ZEB1: variants seen among roughly 807,000 people sequenced by gnomAD.
ZEB1 encodes the protein zinc finger E-box-binding homeobox 1.
Under a neutral mutation model 84.9 loss-of-function variants are expected in ZEB1, and 21 were observed. The ratio of observed to expected loss-of-function variants is 0.25; its 90% CI spans 0.18 to 0.36. The LOEUF is 0.36. ZEB1 is among the 10% of genes least tolerant of loss of function. The pLI, the probability that ZEB1 is intolerant of heterozygous loss-of-function variation, is 1.00. For missense variants in ZEB1, 1,104 were observed against 1,330.2 expected (o/e 0.83, Z 2.65); for synonymous variants, 420 against 471.1 (o/e 0.89, Z 1.41).
At chr10:31,449,068 C>T (rs1301605583) in intron 1 of ZEB1, among the ~76,000 whole-genome samples, 2 of 152,260 alleles carry the variant, frequency 1.3e-5, no homozygotes, top group Non-Finnish European at 2.9e-5. Context: ...CAGCGAGACT[C>T]CGTGGGCGTA....
intron 2 of ZEB1, among the ~76,000 whole-genome samples, chr10:31,483,922 T>C (rs563029395): frequency 1.3e-3 from 193 of 152,160 alleles, no homozygotes; most frequent in African/African-American, 4.5e-3. Flanking sequence ...TGTAAGTTCA[T>C]GGGGAAGATT....
At chr10:31,424,325 A>G (rs2056648166) in intron 1 of ZEB1, among the ~76,000 whole-genome samples, 1 of 151,998 alleles carries the variant, frequency 6.6e-6, no homozygotes, top group Admixed American at 6.6e-5. Flanking sequence ...ATATTTTACT[A>G]TATCATGAAT....
intron 1 of ZEB1, among the ~76,000 whole-genome samples, chr10:31,455,632 A>T (rs564890658): frequency 6.6e-6 from 1 of 152,350 alleles, no homozygotes; most frequent in South Asian, 2.1e-4. Flanking sequence ...GAAGACATTT[A>T]TGCAGCCAGC....
chr10:31,332,561 T>C (rs918953614), intron 1 of ZEB1, among the ~76,000 whole-genome samples: 2 of 152,228 alleles, frequency 1.3e-5, no homozygotes. Flanking sequence ...AGATATTTAA[T>C]AAATAAAATA....
intron 2 of ZEB1, among the ~76,000 whole-genome samples, chr10:31,476,104 A>T (rs1443676553): frequency 3.3e-5 from 5 of 152,096 alleles, no homozygotes; most frequent in African/African-American, 9.7e-5. Flanking sequence ...GAAGAGAAAT[A>T]ACAAAGAGCA....
intron 1 of ZEB1, among the ~76,000 whole-genome samples, chr10:31,325,892 A>G (rs1196451480): frequency 6.6e-6 from 1 of 150,662 alleles, no homozygotes; most frequent in Non-Finnish European, 1.5e-5. Flanking sequence ...GGCCTAAAAT[A>G]TATTCTGATT....
chr10:31,437,959 G>C (rs161270), intron 1 of ZEB1, among the ~76,000 whole-genome samples: 11,870 of 152,192 alleles, frequency 0.078, 657 homozygotes, highest in African/African-American at 0.16. Flanking sequence ...TCTGGGATTA[G>C]TAAATGTCAA....
chr10:31,477,340 A>G (rs967212760), intron 2 of ZEB1, among the ~76,000 whole-genome samples: 4 of 151,872 alleles, frequency 2.6e-5, no homozygotes. Context: ...ATTGAACCAA[A>G]GAGGTGAAAG....
chr10:31,484,431 A>G (rs1037421157), intron 2 of ZEB1, among the ~76,000 whole-genome samples: 3 of 151,986 alleles, frequency 2.0e-5, no homozygotes, highest in East Asian at 1.9e-4. Context: ...AATCCTTGCA[A>G]TACTGTAATG....
intron 2 of ZEB1, among the ~76,000 whole-genome samples, chr10:31,465,410 GAAA>G (rs545918130): frequency 1.3e-5 from 2 of 150,542 alleles, no homozygotes; most frequent in African/African-American, 2.4e-5. Flanking sequence ...ATAATTAAAA[GAAA>G]AAAACTGTGT....
At chr10:31,510,597 C>T in intron 4 of ZEB1, 76 bp from the exon 5 acceptor site, 1 of 1,189,828 alleles carries the variant, frequency 8.4e-7, no homozygotes, top group Non-Finnish European at 1.2e-6. Context: ...TGGAACATAG[C>T]ATAGGGACTC....
chr10:31,361,254 G>A, intron 1 of ZEB1: 1 of 1,587,248 alleles, frequency 6.3e-7, no homozygotes, highest in Non-Finnish European at 8.6e-7. Flanking sequence ...GTGCAGTGGT[G>A]CGATCTCGGC....
chr10:31,328,930 G>C (rs2036166066), intron 1 of ZEB1, among the ~76,000 whole-genome samples: 1 of 152,090 alleles, frequency 6.6e-6, no homozygotes, highest in Non-Finnish European at 1.5e-5. Flanking sequence ...GAAGATGGCT[G>C]TCTTACTGTG....
intron 1 of ZEB1, among the ~76,000 whole-genome samples, chr10:31,410,178 G>C (rs1467907098): frequency 1.3e-5 from 2 of 152,176 alleles, no homozygotes; most frequent in African/African-American, 2.4e-5. Flanking sequence ...TTTGAGTTAC[G>C]TTCCATCAAT....
intron 2 of ZEB1, 71 bp from the exon 3 acceptor site, chr10:31,495,705 A>C: frequency 1.3e-6 from 2 of 1,557,288 alleles, no homozygotes; most frequent in Non-Finnish European, 1.8e-6. Flanking sequence ...GATATCCAAA[A>C]CTTTAAACAT....
intron 4 of ZEB1, among the ~76,000 whole-genome samples, chr10:31,506,527 G>A (rs972757837): frequency 2.0e-5 from 3 of 151,592 alleles, no homozygotes; most frequent in Admixed American, 1.3e-4. Context: ...GACCTTCTTT[G>A]TCCCCTTATA....
chr10:31,343,968 T>C lies in ZEB1; in HGVS notation c.58+24676T>C, dbSNP rs1302761448. Reference sequence around the variant, plus strand: ...TCCCCACGTTTTTCTTTTTCTATTATAGAGGTTTCTTGGGGAAGGGGTGAC... The same window carrying C: ...TCCCCACGTTTTTCTTTTTCTATTACAGAGGTTTCTTGGGGAAGGGGTGAC... On this transcript the variant is annotated intron_variant, in intron 1 of 8. Transcript: ENST00000424869. Among the ~76,000 whole-genome samples, 4 of 152,116 alleles carry C rather than the reference T, an allele frequency of 2.6e-5. No individual in the cohort carries two copies. In the South Asian group the frequency reaches 6.2e-4, roughly 24 times the overall value.
chr10:31,470,540 C>A (rs2063086690), intron 2 of ZEB1, among the ~76,000 whole-genome samples: 1 of 144,256 alleles, frequency 6.9e-6, no homozygotes, highest in South Asian at 2.2e-4. Flanking sequence ...ATGAGCAAAG[C>A]CTCCAAGAAA....
intron 4 of ZEB1, among the ~76,000 whole-genome samples, chr10:31,503,644 G>A (rs773875651): frequency 2.4e-4 from 36 of 151,804 alleles, no homozygotes; most frequent in Non-Finnish European, 3.5e-4. Flanking sequence ...AGAAATCTCC[G>A]TAGTATTTTC....
Sources: gnomAD v4.1 joint callset for allele counts (sites outside exome capture counted in the v4.1 genomes callset) on GRCh38, gnomAD v4.1.1 for gene constraint, MANE v1.5 for transcripts, NCBI Gene and HGNC (gene_info 2026-07-23, HGNC 2026-07-21) for gene names.